CPAP: variants seen among roughly 807,000 people sequenced by gnomAD.
CPAP encodes the protein centrosome assembly and centriole elongation protein, also known as centrosomal P4.1-associated protein.
chr13:24,883,230 G>C, the CPAP span: 1 of 1,613,928 alleles, frequency 6.2e-7, no homozygotes, highest in South Asian at 1.1e-5. Context: ...ACTCTTATCC[G>C]ACCGGATCTG....
At chr13:24,905,525 A>AT in the CPAP span, 1 of 1,614,036 alleles carries the variant, frequency 6.2e-7, no homozygotes, top group Non-Finnish European at 8.5e-7. Flanking sequence ...CTTCCTTTTT[A>AT]TTGTTTTGTC....
chr13:24,929,016 TAAC>T, the CPAP span, among the ~76,000 whole-genome samples: 28,555 of 152,122 alleles, frequency 0.19, 2,884 homozygotes, highest in South Asian at 0.34. Context: ...TCTTTAAAAA[TAAC>T]AACAATTACA....
chr13:24,921,804 A>C, the CPAP span, among the ~76,000 whole-genome samples: 2 of 152,194 alleles, frequency 1.3e-5, no homozygotes, highest in Admixed American at 1.3e-4. Flanking sequence ...TGCAGCAGCC[A>C]GACTTTTGCA....
At chr13:24,897,258 C>G in the CPAP span, among the ~76,000 whole-genome samples, 1 of 152,086 alleles carries the variant, frequency 6.6e-6, no homozygotes, top group Non-Finnish European at 1.5e-5. Context: ...AAAAACTGAA[C>G]TAAAATTTGG....
chr13:24,902,032 T>C, the CPAP span, among the ~76,000 whole-genome samples: 1 of 152,132 alleles, frequency 6.6e-6, no homozygotes, highest in Middle Eastern at 3.4e-3. Context: ...AAAGAGCCCA[T>C]ACAGTAGAGC....
chr13:24,912,636 C>T, the CPAP span: 13 of 1,613,532 alleles, frequency 8.1e-6, no homozygotes, highest in Non-Finnish European at 1.1e-5. Context: ...TGAATTCACT[C>T]GCAAGATCTG....
chr13:24,917,177 G>T, the CPAP span, among the ~76,000 whole-genome samples: 1 of 152,120 alleles, frequency 6.6e-6, no homozygotes, highest in African/African-American at 2.4e-5. Flanking sequence ...CGTGAACCTG[G>T]GAGGCAGCAG....
the CPAP span, chr13:24,923,035 C>G: frequency 6.6e-6 from 1 of 152,342 alleles, no homozygotes; most frequent in Non-Finnish European, 1.5e-5. Flanking sequence ...GGCCAGTGGT[C>G]GACGTAGGCG....
chr13:24,888,763 A>G, the CPAP span, among the ~76,000 whole-genome samples: 1 of 152,198 alleles, frequency 6.6e-6, no homozygotes, highest in African/African-American at 2.4e-5. Flanking sequence ...GAAGTATACA[A>G]TGCAATCTAC....
At chr13:24,907,278 G>C in the CPAP span, 2 of 1,161,200 alleles carry the variant, frequency 1.7e-6, no homozygotes, top group Non-Finnish European at 2.5e-6. Flanking sequence ...AGAAACCCTT[G>C]ACAACATGGA....
chr13:24,898,019 C>T, the CPAP span, among the ~76,000 whole-genome samples: 3 of 152,180 alleles, frequency 2.0e-5, no homozygotes, highest in African/African-American at 7.2e-5. Context: ...CCTCAGCCTC[C>T]CATGTACCTG....
At chr13:24,896,507 T>C in the CPAP span, among the ~76,000 whole-genome samples, 1 of 152,180 alleles carries the variant, frequency 6.6e-6, no homozygotes, top group African/African-American at 2.4e-5. Context: ...TAAATGGAAA[T>C]AGCCACACAG....
At chr13:24,912,407 A>T in the CPAP span, among the ~76,000 whole-genome samples, 23,079 of 152,284 alleles carry the variant, frequency 0.15, 1,946 homozygotes, top group South Asian at 0.32. Context: ...TAAAGTTATT[A>T]TAAGTGCTAA....
the CPAP span, chr13:24,899,728 A>G: frequency 1.3e-5 from 9 of 703,890 alleles, no homozygotes; most frequent in Non-Finnish European, 2.0e-5. Flanking sequence ...TCCACTCACT[A>G]AAGCATTCAT....
At chr13:24,901,928 T>C in the CPAP span, among the ~76,000 whole-genome samples, 1 of 151,928 alleles carries the variant, frequency 6.6e-6, no homozygotes, top group Non-Finnish European at 1.5e-5. Flanking sequence ...GAGGCAGAGG[T>C]TGCAGTGAGC....
the CPAP span, chr13:24,885,639 A>C: frequency 1.9e-6 from 3 of 1,613,204 alleles, no homozygotes; most frequent in Non-Finnish European, 2.5e-6. Flanking sequence ...AATCACGAGG[A>C]GGTGCAGACT....
At chr13:24,915,802 A>AAAC in the CPAP span, among the ~76,000 whole-genome samples, 3,767 of 151,944 alleles carry the variant, frequency 0.025, 133 homozygotes, top group African/African-American at 0.084. Context: ...TCCATCTCGA[A>AAAC]AACAACAACA....
At chr13:24,932,236 G>C in the CPAP span, among the ~76,000 whole-genome samples, 8,800 of 152,300 alleles carry the variant, frequency 0.058, 459 homozygotes, top group East Asian at 0.14. Flanking sequence ...TTTGAGGGAG[G>C]CTGTTAGACG....
the CPAP span, among the ~76,000 whole-genome samples, chr13:24,896,681 T>C: frequency 6.6e-5 from 10 of 152,260 alleles, no homozygotes; most frequent in South Asian, 6.2e-4. Flanking sequence ...TTGGAAGAAG[T>C]AGTCAGGATC....
Sources: allele counts gnomAD v4.1 joint callset (sites outside exome capture counted in the v4.1 genomes callset), GRCh38; gene constraint gnomAD v4.1.1; transcripts MANE v1.5; gene names NCBI Gene and HGNC (gene_info 2026-07-23, HGNC 2026-07-21).